MACROD1: variants seen among roughly 807,000 people sequenced by gnomAD.
MACROD1 encodes ADP-ribose glycohydrolase MACROD1.
Under a neutral mutation model 41.4 loss-of-function variants are expected in MACROD1, and 31 were observed. The ratio of observed to expected loss-of-function variants is 0.75; its 90% confidence interval spans 0.56 to 1.01. The LOEUF is 1.01. Ranked by LOEUF, MACROD1 falls within the 50% of genes least tolerant of loss-of-function variation. MACROD1 has a pLI of 0.00. For synonymous variants in MACROD1, 252 were observed against 203.4 expected (o/e 1.24, Z -2.03); for missense variants, 473 against 460.0 (o/e 1.03, Z -0.26).
At chr11:63,998,921 AGGGGCGGGCCGT>A in intron 9 of MACROD1, 22 bp downstream of exon 9, 3 of 1,550,420 alleles carry the variant, frequency 1.9e-6, no homozygotes, top group Non-Finnish European at 2.6e-6. Context: ...GGACCGGGGC[AGGGGCGGGCCGT>A]GGGGCGGCGC....
intron 3 of MACROD1, among the ~76,000 whole-genome samples, chr11:64,124,637 C>A (rs1207057029): frequency 1.3e-5 from 2 of 151,848 alleles, no homozygotes; most frequent in Non-Finnish European, 2.9e-5. Flanking sequence ...AACAGATTTG[C>A]GGGTGTGCCT....
chr11:64,059,062 A>T (rs569451314), intron 3 of MACROD1, among the ~76,000 whole-genome samples: 1 of 152,278 alleles, frequency 6.6e-6, no homozygotes, highest in South Asian at 2.1e-4. Flanking sequence ...TGGGCACCCA[A>T]TTTGCACTGG....
chr11:64,148,886 G>A, intron 3 of MACROD1: 1 of 985,536 alleles, frequency 1.0e-6, no homozygotes, highest in Non-Finnish European at 1.2e-6. Flanking sequence ...CCTGACCAGT[G>A]CCAAAGCCAC....
At chr11:64,018,470 G>A (rs986410561) in intron 3 of MACROD1, among the ~76,000 whole-genome samples, 2 of 152,066 alleles carry the variant, frequency 1.3e-5, no homozygotes, top group African/African-American at 4.8e-5. Flanking sequence ...CCGGAGGCTT[G>A]CAGAGAAGAG....
At chr11:64,041,278 T>C (rs950289016) in intron 3 of MACROD1, among the ~76,000 whole-genome samples, 3 of 137,118 alleles carry the variant, frequency 2.2e-5, no homozygotes, top group African/African-American at 8.3e-5. Context: ...ATGCCTTCCG[T>C]GAGGAGCCGG....
At chr11:64,033,065 G>C (rs1943314532) in intron 3 of MACROD1, among the ~76,000 whole-genome samples, 1 of 152,184 alleles carries the variant, frequency 6.6e-6, no homozygotes, top group African/African-American at 2.4e-5. Context: ...CCAAGACCCA[G>C]GTCAAGAGGC....
At chr11:64,144,679 T>C (rs541027439) in intron 3 of MACROD1, among the ~76,000 whole-genome samples, 5 of 152,154 alleles carry the variant, frequency 3.3e-5, no homozygotes, top group Non-Finnish European at 5.9e-5. Context: ...GCCAGGCCCA[T>C]GTTGCTAACA....
In MACROD1 at chr11:64,015,257, C is replaced by T. The variant is rs1943064518; in HGVS notation, c.542G>A (p.Gly181Asp). Residue 181 changes from glycine (G) to aspartate (D), a missense_variant, in exon 4 of 11, where the codon GGT (glycine) becomes GAT (aspartate). Gly to Asp is a moderately conservative substitution (Grantham distance 94, BLOSUM62 -1). Transcript: ENST00000255681. ...AAGACAGAAGGTCCACTCACCGCCACCGCCTCCGAGCAGGGAGCTGTTGGC... is the reference window on the plus strand; with the variant it reads ...AAGACAGAAGGTCCACTCACCGCCATCGCCTCCGAGCAGGGAGCTGTTGGC... Reference protein sequence around the residue: ...NAANSSLLGGGGVDGCIHRAA... With the variant: ...NAANSSLLGGDGVDGCIHRAA... The T allele has an allele frequency of 1.9e-6, 3 of 1,604,438 alleles. No homozygotes were observed. The highest frequency in any genetic ancestry group is 2.6e-6 in the Non-Finnish European group (3 of 1,175,672).
chr11:64,018,791 G>C (rs975152545), intron 3 of MACROD1, among the ~76,000 whole-genome samples: 1 of 152,170 alleles, frequency 6.6e-6, no homozygotes. Flanking sequence ...GACTGGGGGA[G>C]ATGCAGGTGG....
Position 64,166,068 on chromosome 11 carries a change from T to G in MACROD1, c.-74A>C. 1.6e-6 allele frequency: 2 copies of G among 1,232,592 alleles called. No individual in the cohort carries two copies. The highest frequency in any genetic ancestry group is 2.0e-6 in the Non-Finnish European group (2 of 988,394). The allele number at this position is 1,232,592 out of a possible 1,614,324, so 76.4% of individuals were successfully genotyped here. On this transcript the variant is annotated 5_prime_UTR_variant, in exon 1 of 11. Coordinates refer to ENST00000255681, the MANE Select transcript of MACROD1 (RefSeq NM_014067.4). Reference sequence around the variant, plus strand: ...GCGCTCGGGAGTGTCTCTCCCTTATTTACTCTGGGACCGGGTGGCGACTGC... The same window carrying G: ...GCGCTCGGGAGTGTCTCTCCCTTATGTACTCTGGGACCGGGTGGCGACTGC...
At chr11:64,084,117 G>A (rs532418821) in intron 3 of MACROD1, among the ~76,000 whole-genome samples, 2 of 152,330 alleles carry the variant, frequency 1.3e-5, no homozygotes, top group East Asian at 3.9e-4. Context: ...ATCTATGAGC[G>A]TGTGCGTGTA....
intron 3 of MACROD1, chr11:64,117,277 T>C (rs1300757178): frequency 1.9e-6 from 3 of 1,614,158 alleles, no homozygotes; most frequent in African/African-American, 1.3e-5. Context: ...TGCAACCTCA[T>C]GTGGCTGCGG....
intron 3 of MACROD1, among the ~76,000 whole-genome samples, chr11:64,043,469 T>G (rs1237851449): frequency 2.0e-5 from 3 of 151,930 alleles, no homozygotes; most frequent in Non-Finnish European, 4.4e-5. Flanking sequence ...AAAGGGCAAG[T>G]TGAGGTGTGG....
At chr11:64,010,090 T>TTGGGGTGTTGGTTGGAGGGTTGGC (rs1942978608) in intron 4 of MACROD1, among the ~76,000 whole-genome samples, 1 of 71,296 alleles carries the variant, frequency 1.4e-5, no homozygotes. Context: ...AGGGTGTTGG[T>TTGGGGTGTTGGTTGGAGGGTTGGC]TGGGGTGTTG....
In MACROD1 at chr11:64,165,706, C is replaced by G; in HGVS notation, c.289G>C (p.Glu97Gln). ...TCGTGCTTACACTTACATTTCGCCT[C>G]CTTCCAGTCGGTGGAGGTGCTCAGG... is the stretch of plus-strand genomic sequence containing the variant. ...VDLSTSTDWK[E>Q]AKSFLKGLSD... is the part of the protein sequence containing the mutation. Residue 97 changes from glutamate (E) to glutamine (Q), a missense_variant, in exon 1 of 11, where the codon GAG becomes CAG. Glu to Gln is a conservative substitution (Grantham distance 29, BLOSUM62 2). Transcript: ENST00000255681. 6.8e-7 allele frequency: 1 copy of G among 1,461,262 alleles called. No individual in the cohort carries two copies. The highest frequency in any genetic ancestry group is 9.1e-7 in the Non-Finnish European group (1 of 1,104,290). The allele number at this position is 1,461,262 out of a possible 1,614,324, so 90.5% of individuals were successfully genotyped here.
intron 3 of MACROD1, among the ~76,000 whole-genome samples, chr11:64,058,402 T>G (rs562530424): frequency 6.6e-6 from 1 of 151,810 alleles, no homozygotes; most frequent in East Asian, 1.9e-4. Flanking sequence ...TGAGGAGGGC[T>G]TGGGGGGGGG....
chr11:64,117,968 C>T (rs1443870790), intron 3 of MACROD1: 4 of 1,613,672 alleles, frequency 2.5e-6, no homozygotes, highest in Non-Finnish European at 3.4e-6. Flanking sequence ...TCTTCCTCTT[C>T]CTGGTCCTGG....
chr11:64,055,591 G>A (rs1015088148), intron 3 of MACROD1, among the ~76,000 whole-genome samples: 2 of 152,224 alleles, frequency 1.3e-5, no homozygotes, highest in Non-Finnish European at 2.9e-5. Context: ...GTCCCTCCAC[G>A]AGGCAGCCAG....
At chr11:64,035,503 C>A (rs1943356322) in intron 3 of MACROD1, among the ~76,000 whole-genome samples, 1 of 151,982 alleles carries the variant, frequency 6.6e-6, no homozygotes, top group African/African-American at 2.4e-5. Context: ...TTCTCCCCCG[C>A]CTCCACGGTG....
Sources: allele counts gnomAD v4.1 joint callset (sites outside exome capture counted in the v4.1 genomes callset), GRCh38; gene constraint gnomAD v4.1.1; transcripts MANE v1.5; gene names NCBI Gene and HGNC (gene_info 2026-07-23, HGNC 2026-07-21).